GRID2: variants seen among roughly 807,000 people sequenced by gnomAD.
GRID2 encodes glutamate ionotropic receptor delta type subunit 2.
In GRID2, 33 loss-of-function variants were observed where a neutral mutation model predicts 114.8. That is an observed-to-expected ratio of 0.29 (90% CI 0.22 to 0.38). The LOEUF is 0.38. GRID2 is among the 10% of genes least tolerant of loss of function. GRID2 has a pLI of 1.00. For synonymous variants in GRID2, 505 were observed against 449.9 expected (o/e 1.12, Z -1.55); for missense variants, 1,184 against 1,257.7 (o/e 0.94, Z 0.89).
chr4:92,924,725 A>G (rs561573541), intron 2 of GRID2, among the ~76,000 whole-genome samples: 4 of 152,282 alleles, frequency 2.6e-5, no homozygotes, highest in African/African-American at 9.6e-5. Flanking sequence ...TGCATCTTTA[A>G]GAGTCTGATA....
chr4:93,750,307 C>T (rs1732210796), intron 14 of GRID2, among the ~76,000 whole-genome samples: 1 of 152,156 alleles, frequency 6.6e-6, no homozygotes, highest in Admixed American at 6.6e-5. Flanking sequence ...GTATCAGAAT[C>T]CCCTTGGGAA....
At chr4:93,459,129 G>A (rs995155067) in intron 11 of GRID2, among the ~76,000 whole-genome samples, 1 of 132,562 alleles carries the variant, frequency 7.5e-6, no homozygotes, top group Admixed American at 8.7e-5. Flanking sequence ...GCAGTGAGCC[G>A]AGATTGTGCC....
chr4:92,809,393 A>T (rs1740561105), intron 2 of GRID2, among the ~76,000 whole-genome samples: 1 of 152,012 alleles, frequency 6.6e-6, no homozygotes, highest in Non-Finnish European at 1.5e-5. Flanking sequence ...ATTTATTAGA[A>T]TCTTCTTTGA....
chr4:92,573,290 G>C (rs539187919), intron 1 of GRID2, among the ~76,000 whole-genome samples: 19 of 151,956 alleles, frequency 1.3e-4, no homozygotes, highest in African/African-American at 3.6e-4. Context: ...GTTTTCGAAG[G>C]GTTTTTCATG....
At chr4:93,575,994 T>C (rs1354587485) in intron 13 of GRID2, among the ~76,000 whole-genome samples, 2 of 152,194 alleles carry the variant, frequency 1.3e-5, no homozygotes, top group Non-Finnish European at 2.9e-5. Flanking sequence ...TATTTGGTAA[T>C]CTGAGTTAAA....
intron 8 of GRID2, among the ~76,000 whole-genome samples, chr4:93,325,569 T>G (rs1027772263): frequency 6.6e-6 from 1 of 151,968 alleles, no homozygotes; most frequent in South Asian, 2.1e-4. Context: ...TTATATGTAT[T>G]ATACTATTTA....
intron 1 of GRID2, among the ~76,000 whole-genome samples, chr4:93,787,608 C>G (rs572998932): frequency 1.1e-4 from 16 of 152,160 alleles, no homozygotes; most frequent in Admixed American, 5.9e-4. Context: ...ATATAATTTA[C>G]CTACTGGTCA....
intron 2 of GRID2, among the ~76,000 whole-genome samples, chr4:93,008,780 A>G (rs551695610): frequency 6.6e-6 from 1 of 152,248 alleles, no homozygotes; most frequent in African/African-American, 2.4e-5. Context: ...AATGAAGTAA[A>G]AAGCAATATA....
intron 2 of GRID2, among the ~76,000 whole-genome samples, chr4:92,939,232 T>G (rs187936172): frequency 6.8e-6 from 1 of 147,294 alleles, no homozygotes; most frequent in Non-Finnish European, 1.5e-5. Context: ...ACCTGTTGTT[T>G]CCTGACATTT....
At chr4:93,759,758 G>T (rs1487219290) in intron 14 of GRID2, among the ~76,000 whole-genome samples, 2 of 152,156 alleles carry the variant, frequency 1.3e-5, no homozygotes, top group African/African-American at 4.8e-5. Context: ...TACTCATGTG[G>T]CTCTCTGGGG....
rs138982749 is a variant in GRID2, at chr4:92,627,358, G to C, written c.244+37072G>C. 3.1e-3 allele frequency among the ~76,000 whole-genome samples: 472 copies of C among 152,132 alleles called. 2 individuals are homozygous for C. The highest frequency in any genetic ancestry group is 0.011 in the African/African-American group (457 of 41,528). On this transcript the variant is annotated intron_variant, in intron 2 of 15. Coordinates refer to ENST00000282020, the MANE Select transcript of GRID2 (RefSeq NM_001510.4). The stretch of plus-strand genomic sequence containing the variant: ...TACCTACTTGTTCCTGTTTTCCAGT[G>C]ATGTGCTAATTAATGTTGGTTCGCT...
At chr4:92,906,166 G>A (rs1429392026) in intron 2 of GRID2, among the ~76,000 whole-genome samples, 1 of 152,096 alleles carries the variant, frequency 6.6e-6, no homozygotes, top group East Asian at 1.9e-4. Flanking sequence ...TATTTTTAGT[G>A]ACAATTTGAT....
intron 1 of GRID2, among the ~76,000 whole-genome samples, chr4:92,531,346 C>A (rs994370746): frequency 6.6e-6 from 1 of 151,802 alleles, no homozygotes; most frequent in Non-Finnish European, 1.5e-5. Context: ...AATGTAAAAA[C>A]ACAGTCTAGA....
intron 1 of GRID2, among the ~76,000 whole-genome samples, chr4:92,410,332 C>A (rs1308436112): frequency 6.6e-6 from 1 of 152,210 alleles, no homozygotes; most frequent in Non-Finnish European, 1.5e-5. Flanking sequence ...TAACTATCAA[C>A]ACAGATAGCT....
At chr4:92,611,062 GTGTGTGTATATATATA>G (rs1233296027) in intron 2 of GRID2, among the ~76,000 whole-genome samples, 112 of 149,448 alleles carry the variant, frequency 7.5e-4, no homozygotes, top group African/African-American at 2.6e-3. Flanking sequence ...ATATATATGT[GTGTGTGTATATATATA>G]TGTGTGTATA....
intron 2 of GRID2, among the ~76,000 whole-genome samples, chr4:92,673,819 G>T (rs187833935): frequency 2.6e-3 from 400 of 152,028 alleles, no homozygotes; most frequent in African/African-American, 9.2e-3. Context: ...ACCAGGGCCT[G>T]TCATGGGGTG....
At chr4:93,498,939 G>C (rs1727832114) in intron 12 of GRID2, among the ~76,000 whole-genome samples, 1 of 151,948 alleles carries the variant, frequency 6.6e-6, no homozygotes, top group Non-Finnish European at 1.5e-5. Context: ...TTCTCAAATT[G>C]AGGAAGTTAT....
chr4:92,656,684 G>A lies in GRID2; in HGVS notation c.244+66398G>A, dbSNP rs528942254. Among the ~76,000 whole-genome samples the A allele has an allele frequency of 1.4e-3, 205 of 151,760 alleles. 3 individuals are homozygous for A. The highest frequency in any genetic ancestry group is 4.7e-3 in the African/African-American group (194 of 41,502). On this transcript the variant is annotated intron_variant, in intron 2 of 15. Coordinates refer to ENST00000282020, the MANE Select transcript of GRID2 (RefSeq NM_001510.4). Reference sequence around the variant, plus strand: ...ATTGCTCTGTCACCCTCTATGGAAGGCAATTTCCTGTGAGCTCTCCCATGC... The same window carrying A: ...ATTGCTCTGTCACCCTCTATGGAAGACAATTTCCTGTGAGCTCTCCCATGC...
chr4:92,682,330 A>G (rs781530650), intron 2 of GRID2, among the ~76,000 whole-genome samples: 1 of 152,114 alleles, frequency 6.6e-6, no homozygotes, highest in Non-Finnish European at 1.5e-5. Flanking sequence ...CCAAAGTGCA[A>G]GTGTTGATTG....
Sources: gnomAD v4.1 joint callset for allele counts (sites outside exome capture counted in the v4.1 genomes callset) on GRCh38, gnomAD v4.1.1 for gene constraint, MANE v1.5 for transcripts, NCBI Gene and HGNC (gene_info 2026-07-23, HGNC 2026-07-21) for gene names.